The following CPA3 variants were observed in gnomAD, a reference collection of about 807,000 sequenced individuals.
The protein encoded by CPA3 is carboxypeptidase A3, also known as mast cell carboxypeptidase A.
In CPA3, 52 loss-of-function variants were observed where a neutral mutation model predicts 55.8. The ratio of observed to expected loss-of-function variants is 0.93; its 90% CI spans 0.75 to 1.17. The LOEUF (loss-of-function observed/expected upper bound fraction) is 1.17. Among genes scored for constraint, CPA3 ranks in the 50% most tolerant of loss-of-function variants. The pLI is 0.00. For missense variants in CPA3, 547 were observed against 509.1 expected (o/e 1.07, Z -0.72); for synonymous variants, 179 against 171.2 (o/e 1.05, Z -0.36).
chr3:148,895,718 TTCTTA>T (rs1231716961), intron 10 of CPA3, among the ~76,000 whole-genome samples: 8 of 152,212 alleles, frequency 5.3e-5, no homozygotes, highest in African/African-American at 1.7e-4. Flanking sequence ...CAGCTTTGAA[TTCTTA>T]TCTTTCAAAT....
rs199563973 is a variant in CPA3 at position 148,881,029 on chromosome 3, GA to G, written c.577-483del. Among the ~76,000 whole-genome samples the G allele has an allele frequency of 1.1e-3, 160 of 148,226 alleles. 4 individuals are homozygous for G. In the East Asian group the frequency reaches 0.019, roughly 18 times the overall value. ...ATTAGAGAAATTTCAGTCAGATATA[GA>G]AAAAAAAAAGTTGTTCAATCTCTGA... is the stretch of plus-strand genomic sequence containing the variant. On this transcript the variant is annotated intron_variant, in intron 6 of 10. Coordinates refer to ENST00000296046, the MANE Select transcript of CPA3 (RefSeq NM_001870.4).
In CPA3 at chr3:148,866,973, C is replaced by A. The variant is rs1713917096; in HGVS notation, c.144+1425C>A. Among the ~76,000 whole-genome samples the A allele has an allele frequency of 2.0e-5, 3 of 152,150 alleles. No homozygotes were observed. The South Asian group carries it at 6.2e-4, about 32-fold the overall frequency. ...GGTTTTGCCATGTTGCCCAGCTGGTCTCAAACTCCTGACCTCAAGTGATCC... is the reference window on the plus strand; with the variant it reads ...GGTTTTGCCATGTTGCCCAGCTGGTATCAAACTCCTGACCTCAAGTGATCC... On this transcript the variant is annotated intron_variant, in intron 2 of 10. Coordinates refer to ENST00000296046, the MANE Select transcript of CPA3 (RefSeq NM_001870.4).
At chr3:148,881,497 C>A in intron 6 of CPA3, 25 bp from the exon 7 acceptor site, 1 of 1,457,164 alleles carries the variant, frequency 6.9e-7, no homozygotes, top group Non-Finnish European at 9.6e-7. Context: ...ATACCAATAG[C>A]TTAATTTTTT....
intron 6 of CPA3, 116 bp downstream of exon 6, chr3:148,880,005 G>T: frequency 3.1e-6 from 2 of 644,848 alleles, no homozygotes; most frequent in Non-Finnish European, 2.7e-6. Context: ...GCCCATACTT[G>T]GTGCTGTCAG....
chr3:148,865,600 C>T (rs1412013736), intron 2 of CPA3, 52 bp downstream of exon 2: 3 of 1,487,390 alleles, frequency 2.0e-6, no homozygotes, highest in African/African-American at 1.4e-5. Flanking sequence ...CTAAAAGATG[C>T]TTCTTCTTAT....
At chr3:148,877,971 AC>A (rs1714255090) in intron 3 of CPA3, among the ~76,000 whole-genome samples, 1 of 152,208 alleles carries the variant, frequency 6.6e-6, no homozygotes, top group Admixed American at 6.5e-5. Flanking sequence ...AATACGAGCC[AC>A]ATGCATAATT....
chr3:148,879,910 C>G (rs777887246), intron 6 of CPA3, 21 bp downstream of exon 6: 3 of 1,526,364 alleles, frequency 2.0e-6, no homozygotes, highest in Non-Finnish European at 2.7e-6. Context: ...CAGAAGACTC[C>G]CAATTCTCCT....
intron 10 of CPA3, among the ~76,000 whole-genome samples, chr3:148,893,183 G>T (rs1408711899): frequency 6.6e-6 from 1 of 151,562 alleles, no homozygotes; most frequent in East Asian, 1.9e-4. Context: ...ATCCACAGAT[G>T]CCAACACTGA....
chr3:148,888,979 A>G (rs1315204991), intron 10 of CPA3, among the ~76,000 whole-genome samples: 1 of 152,234 alleles, frequency 6.6e-6, no homozygotes, highest in African/African-American at 2.4e-5. Flanking sequence ...GCTCCATGCC[A>G]TCATGTGTCA....
chr3:148,891,313 T>C (rs903300279), intron 10 of CPA3, among the ~76,000 whole-genome samples: 1 of 152,132 alleles, frequency 6.6e-6, no homozygotes, highest in Non-Finnish European at 1.5e-5. Flanking sequence ...CTAAGTATCA[T>C]GTTAAACAAA....
Position 148,882,496 on chromosome 3 carries a change from A to T in CPA3, c.688-9A>T. 1 of 1,612,138 alleles carries T rather than the reference A, an allele frequency of 6.2e-7. No homozygotes were observed. Among genetic ancestry groups the T allele is most frequent in the Non-Finnish European group, 8.5e-7 (1 of 1,178,380 alleles). On this transcript the variant is annotated splice_polypyrimidine_tract_variant and intron_variant, in intron 7 of 10. Coordinates refer to ENST00000296046, the MANE Select transcript of CPA3 (RefSeq NM_001870.4). Reference sequence around the variant, plus strand: ...CTTGTGTAAACACTTACGTCATTCAATCTGGCAGAACCGCATGTGGAGAAA... The same window carrying T: ...CTTGTGTAAACACTTACGTCATTCATTCTGGCAGAACCGCATGTGGAGAAA...
In CPA3 at chr3:148,884,969, C is replaced by A. The variant is rs532855317; in HGVS notation, c.982-1124C>A. Among the ~76,000 whole-genome samples the A allele has an allele frequency of 7.2e-5, 11 of 152,146 alleles. No individual in the cohort carries two copies. In the South Asian group the frequency reaches 2.3e-3, roughly 32 times the overall value. ...TGGTTATATACGTTATATGTATAGTCTTTTAAAAATCTTTGTGAGTGCAAA... is the reference window on the plus strand; with the variant it reads ...TGGTTATATACGTTATATGTATAGTATTTTAAAAATCTTTGTGAGTGCAAA... On this transcript the variant is annotated intron_variant, in intron 9 of 10. Transcript: ENST00000296046.
At position 148,883,698 on chromosome 3, in the gene CPA3, T is replaced by G. The variant is rs1369475498; in HGVS notation, c.864T>G (p.Asn288Lys). Residue 288 changes from asparagine (N) to lysine (K), a missense_variant, in exon 9 of 11, where the codon AAT (asparagine) becomes AAG (lysine). Physicochemically the swap from Asn to Lys is moderately conservative, Grantham distance 94 (BLOSUM62 0). Transcript: ENST00000296046. The part of the protein sequence containing the change: ...ESEKETKAVT[N>K]FIRSHLNEIK... ...AGAAAGAGACGAAAGCTGTCACTAA[T>G]TTCATTAGAAGCCACCTGAATGAAA... The G allele has an allele frequency of 6.2e-7, 1 of 1,614,010 alleles. No individual in the cohort carries two copies. The highest frequency in any genetic ancestry group is 8.5e-7 in the Non-Finnish European group (1 of 1,180,000).
chr3:148,887,410 C>T (rs1429565127), intron 10 of CPA3, among the ~76,000 whole-genome samples: 1 of 152,146 alleles, frequency 6.6e-6, no homozygotes, highest in African/African-American at 2.4e-5. Flanking sequence ...TCACAACAAC[C>T]CTATGAGGTG....
chr3:148,865,937 T>A (rs1713890115), intron 2 of CPA3, among the ~76,000 whole-genome samples: 1 of 152,198 alleles, frequency 6.6e-6, no homozygotes, highest in South Asian at 2.1e-4. Flanking sequence ...CTGAAAACGT[T>A]GAGGCACTGG....
intron 2 of CPA3, among the ~76,000 whole-genome samples, chr3:148,866,907 C>T (rs1713914915): frequency 6.6e-6 from 1 of 152,144 alleles, no homozygotes; most frequent in Non-Finnish European, 1.5e-5. Context: ...CAGGTGCCCA[C>T]CACCATCCCC....
At chr3:148,871,027 T>C (rs984425399) in intron 3 of CPA3, among the ~76,000 whole-genome samples, 1 of 152,112 alleles carries the variant, frequency 6.6e-6, no homozygotes, top group Non-Finnish European at 1.5e-5. Context: ...GCCTCCCGAG[T>C]AGCTTATACT....
rs532031227 is a variant in CPA3 at position 148,892,451 on chromosome 3, G to A, written c.1067-4069G>A. On this transcript the variant is annotated intron_variant, in intron 10 of 10. Transcript: ENST00000296046. ...GAGGATCACCTGAGAACAGGAGTCC[G>A]AGACCAGCCTGGCCAACATGGTGAA... Among the ~76,000 whole-genome samples, 25 of 151,822 alleles carry A rather than the reference G, an allele frequency of 1.6e-4. No individual in the cohort carries two copies. In the South Asian group the frequency reaches 3.6e-3, roughly 22 times the overall value.
In CPA3 at chr3:148,882,583, G is replaced by A; in HGVS notation, c.766G>A (p.Ala256Thr). 6.2e-7 allele frequency: 1 copy of A among 1,613,410 alleles called. No individual in the cohort carries two copies. The highest frequency in any genetic ancestry group is 1.1e-5 in the South Asian group (1 of 91,042). ...IGTDLNRNFN[A>T]SWNSIPNTND... is the part of the protein sequence containing the mutation. ...CACTGACCTCAACAGGAATTTTAATGCTTCATGGAACTGTGAGTAGCAGAC... is the reference window on the plus strand; with the variant it reads ...CACTGACCTCAACAGGAATTTTAATACTTCATGGAACTGTGAGTAGCAGAC... Residue 256 changes from alanine to threonine, a missense_variant, in exon 8 of 11, where the codon GCT (alanine) becomes ACT (threonine). Transcript: ENST00000296046.
Sources: allele counts gnomAD v4.1 joint callset (sites outside exome capture counted in the v4.1 genomes callset), GRCh38; gene constraint gnomAD v4.1.1; transcripts MANE v1.5; gene names NCBI Gene and HGNC (gene_info 2026-07-23, HGNC 2026-07-21).